POGLUT3: variants seen among roughly 807,000 people sequenced by gnomAD.
POGLUT3 encodes protein O-glucosyltransferase 3, also known as KDEL (Lys-Asp-Glu-Leu) containing 2.
POGLUT3 carries 48 observed loss-of-function variants against 54.3 expected under a neutral mutation model. That is an observed-to-expected ratio of 0.88 (90% CI 0.70 to 1.12). The LOEUF is 1.12. POGLUT3 is among the 50% of genes most tolerant of loss of function. The probability of loss-of-function intolerance (pLI) is 0.00; values close to 1 mark genes in which losing one functional copy is unlikely to be tolerated. For synonymous variants in POGLUT3, 218 were observed against 237.4 expected (o/e 0.92, Z 0.75); for missense variants, 629 against 618.7 (o/e 1.02, Z -0.18).
At chr11:108,489,163 A>G (rs1274769069) in intron 2 of POGLUT3, among the ~76,000 whole-genome samples, 1 of 152,240 alleles carries the variant, frequency 6.6e-6, no homozygotes, top group Admixed American at 6.5e-5. Flanking sequence ...AGACAGTAAT[A>G]GAAACTATAC....
rs2093584606 is a variant in POGLUT3, at chr11:108,477,626, T to C, written c.1379A>G (p.Tyr460Cys). The C allele has an allele frequency of 6.8e-6, 11 of 1,609,628 alleles. No homozygotes were observed. Among genetic ancestry groups the C allele is most frequent in the East Asian group, 2.2e-5 (1 of 44,848 alleles). Residue 460 changes from tyrosine to cysteine, a missense_variant, in exon 7 of 8, where the codon TAC becomes TGC. By Grantham distance (194) the Tyr-to-Cys change is radical (BLOSUM62 -2). Transcript: ENST00000323468. ...ACTGACCTGCAGTACTTGGTAATAG[T>C]AGCAGTAAAGCCTGTGTGGCTGTAG... ...DLLQPHRLYC[Y>C]YYQVLQKYAE...
chr11:108,486,281 C>T lies in POGLUT3; in HGVS notation c.560G>A (p.Gly187Glu), dbSNP rs1346379439. The T allele has an allele frequency of 1.9e-6, 3 of 1,614,000 alleles. No homozygotes were observed. In the African/African-American group the frequency reaches 4.0e-5, roughly 22 times the overall value. ...QMLKEVPKRF[G>E]DERGAIVHYT... ...ATGAACAATGGCACCTCTCTCATCC[C>T]CAAACCTTTTGGGGACTTCTTTTAG... Residue 187 changes from glycine (G) to glutamate (E), a missense_variant, in exon 3 of 8, where the codon GGG (glycine) becomes GAG (glutamate). By Grantham distance (98) the Gly-to-Glu change is moderately conservative. Transcript: ENST00000323468.
At position 108,479,356 on chromosome 11, in the gene POGLUT3, T is replaced by C; in HGVS notation, c.1238A>G (p.Tyr413Cys). The C allele has an allele frequency of 6.2e-7, 1 of 1,612,682 alleles. No homozygotes were observed. Among genetic ancestry groups the C allele is most frequent in the Non-Finnish European group, 8.5e-7 (1 of 1,179,714 alleles). The change falls in exon 6 of 8, where the codon TAT becomes TGT. Residue 413 changes from tyrosine to cysteine, a missense_variant. By Grantham distance (194) the Tyr-to-Cys change is radical. Transcript: ENST00000323468. ...FYMALEPWKH[Y>C]VPIKRNLSDL... ...ACTCAGATTTCTTTTAATTGGAACA[T>C]AATGCTTCCAAGGTTCTAGTGCCAT...
rs780974586 is a variant in POGLUT3 at position 108,474,650 on chromosome 11, T to A, written c.*177A>T. The A allele has an allele frequency of 2.0e-5, 11 of 537,340 alleles. No homozygotes were observed. Among genetic ancestry groups the A allele is most frequent in the Non-Finnish European group, 3.1e-5 (10 of 317,680 alleles). 33.3% of individuals were successfully genotyped at this position (537,340 alleles called of 1,614,324 possible). ...AATCTGAAGCCTGAAACACTCCTGGTCCTAAGCATTTCAGATGAGGGATAC... is the reference window on the plus strand; with the variant it reads ...AATCTGAAGCCTGAAACACTCCTGGACCTAAGCATTTCAGATGAGGGATAC... On this transcript the variant is annotated 3_prime_UTR_variant, in exon 8 of 8. Transcript: ENST00000323468.
chr11:108,485,631 T>C (rs1407215676), intron 3 of POGLUT3, among the ~76,000 whole-genome samples: 1 of 138,440 alleles, frequency 7.2e-6, no homozygotes, highest in Admixed American at 7.7e-5. Flanking sequence ...AGCCACTTTA[T>C]TCTATTTTAT....
intron 2 of POGLUT3, among the ~76,000 whole-genome samples, chr11:108,487,865 G>C (rs2093606468): frequency 6.6e-6 from 1 of 152,046 alleles, no homozygotes; most frequent in South Asian, 2.1e-4. Flanking sequence ...ACCTGCCTCG[G>C]CCTCCCAAAG....
At chr11:108,496,456 A>G (rs962313725) in intron 1 of POGLUT3, among the ~76,000 whole-genome samples, 1 of 152,038 alleles carries the variant, frequency 6.6e-6, no homozygotes, top group Non-Finnish European at 1.5e-5. Context: ...TTATATGTCC[A>G]TGGCTACAAA....
chr11:108,482,151 T>A lies in POGLUT3; in HGVS notation c.756A>T (p.Gly252=), dbSNP rs1286676955. ...AAATGATAGGTATGGGGCTAGGGGT[T>A]CCATTGACTTTTCGATGCTCCAAGG... The part of the protein sequence containing the change: ...DWPLEHRKVN[G]TPSPIPIISW... The change falls in exon 4 of 8, where the codon GGA becomes GGT. Residue 252 remains glycine (G), a synonymous_variant. Coordinates refer to ENST00000323468, the MANE Select transcript of POGLUT3 (RefSeq NM_153705.5). 6.2e-7 allele frequency: 1 copy of A among 1,614,078 alleles called. No homozygotes were observed. The highest frequency in any genetic ancestry group is 2.2e-5 in the East Asian group (1 of 44,884).
intron 2 of POGLUT3, among the ~76,000 whole-genome samples, chr11:108,488,247 A>T (rs979427125): frequency 6.6e-6 from 1 of 151,646 alleles, no homozygotes; most frequent in African/African-American, 2.4e-5. Flanking sequence ...TTGGTCTCGA[A>T]CTCCTGACCT....
chr11:108,486,019 G>A lies in POGLUT3; in HGVS notation c.684+138C>T, dbSNP rs78863895. 3,104 of 674,204 alleles carry A rather than the reference G, an allele frequency of 4.6e-3. 84 individuals carry two copies. In the African/African-American group the frequency reaches 0.05, roughly 11 times the overall value. 41.8% of individuals were successfully genotyped at this position (674,204 alleles called of 1,614,324 possible). A position where few individuals can be genotyped will look rare whatever the true frequency, so the allele number is the denominator to read the frequency against. On this transcript the variant is annotated intron_variant, in intron 3 of 7. Transcript: ENST00000323468. ...GATCCACAAAGATGGAGAACATGAT[G>A]AACACTCAGGTTGCAAATATCTTAG...
chr11:108,488,946 C>T (rs1354304991), intron 2 of POGLUT3, among the ~76,000 whole-genome samples: 10 of 152,106 alleles, frequency 6.6e-5, no homozygotes, highest in South Asian at 4.2e-4. Context: ...ACCTCAGTAG[C>T]GGGGAATAAT....
In POGLUT3 at chr11:108,474,656, G is replaced by C. The variant is rs774393876; in HGVS notation, c.*171C>G. 79 of 562,904 alleles carry C rather than the reference G, an allele frequency of 1.4e-4. No homozygotes were observed. The highest frequency in any genetic ancestry group is 7.7e-4 in the Admixed American group (21 of 27,370). The allele number at this position is 562,904 out of a possible 1,614,324, so 34.9% of individuals were successfully genotyped here. On this transcript the variant is annotated 3_prime_UTR_variant, in exon 8 of 8. Transcript: ENST00000323468. ...AAGCCTGAAACACTCCTGGTCCTAA[G>C]CATTTCAGATGAGGGATACTCAACC...
chr11:108,488,458 G>A (rs1400283030), intron 2 of POGLUT3, among the ~76,000 whole-genome samples: 1 of 152,178 alleles, frequency 6.6e-6, no homozygotes, highest in African/African-American at 2.4e-5. Context: ...TGTAGTACAG[G>A]GAGGGGGACT....
In POGLUT3 at chr11:108,486,136, TC is replaced by T; in HGVS notation, c.684+20del. On this transcript the variant is annotated intron_variant, in intron 3 of 7. Coordinates refer to ENST00000323468, the MANE Select transcript of POGLUT3 (RefSeq NM_153705.5). ...ATACCTAAATAATTAAACTGTATTA[TC>T]AATTCATTCATTCTCCTACCTTTCT... The T allele has an allele frequency of 6.5e-7, 1 of 1,535,104 alleles. No individual in the cohort carries two copies. The highest frequency in any genetic ancestry group is 9.0e-7 in the Non-Finnish European group (1 of 1,112,004).
intron 7 of POGLUT3, 124 bp from the exon 8 acceptor site, chr11:108,475,076 C>T: frequency 1.0e-6 from 1 of 983,842 alleles, no homozygotes; most frequent in South Asian, 1.6e-5. Flanking sequence ...AGACTAAAAC[C>T]AAAGGTCTGG....
chr11:108,480,301 G>A (rs1445886117), intron 5 of POGLUT3, among the ~76,000 whole-genome samples: 3 of 152,154 alleles, frequency 2.0e-5, no homozygotes, highest in African/African-American at 7.2e-5. Flanking sequence ...AGACATTTAA[G>A]GACTTGGGCA....
At chr11:108,482,443 C>T (rs1294366468) in intron 3 of POGLUT3, among the ~76,000 whole-genome samples, 1 of 152,040 alleles carries the variant, frequency 6.6e-6, no homozygotes, top group Non-Finnish European at 1.5e-5. Flanking sequence ...TACCTCTGTC[C>T]AGAGATGCAT....
intron 5 of POGLUT3, 46 bp from the exon 6 acceptor site, chr11:108,479,541 G>T (rs770093952): frequency 7.0e-7 from 1 of 1,427,608 alleles, no homozygotes; most frequent in South Asian, 1.3e-5. Context: ...GTAGTCATTT[G>T]CTTCACTTCT....
chr11:108,492,314 T>A (rs1240739347), intron 1 of POGLUT3, among the ~76,000 whole-genome samples: 2 of 152,210 alleles, frequency 1.3e-5, no homozygotes, highest in Non-Finnish European at 2.9e-5. Context: ...TTAGTGTTAC[T>A]GTGGCCAGGA....
Sources: allele counts gnomAD v4.1 joint callset (sites outside exome capture counted in the v4.1 genomes callset), GRCh38; gene constraint gnomAD v4.1.1; transcripts MANE v1.5; gene names NCBI Gene and HGNC (gene_info 2026-07-23, HGNC 2026-07-21).